SAMD5: variants seen among roughly 807,000 people sequenced by gnomAD.
SAMD5 encodes the protein sterile alpha motif domain-containing protein 5.
Under a neutral mutation model 11.3 loss-of-function variants are expected in SAMD5, and 13 were observed. That is an observed-to-expected ratio of 1.15 (90% CI 0.75 to 1.83). The LOEUF (loss-of-function observed/expected upper bound fraction) is 1.83, where lower values mean the gene tolerates loss of function less well. Among genes scored for constraint, SAMD5 ranks in the 40% most tolerant of loss-of-function variants. The pLI, the probability that SAMD5 is intolerant of heterozygous loss-of-function variation, is 0.00. For synonymous variants in SAMD5, 129 were observed against 111.3 expected, an observed-to-expected ratio of 1.16 and a Z score of -1.00; for missense variants, 255 against 239.1, an observed-to-expected ratio of 1.07 and a Z score of -0.44.
intron 1 of SAMD5, among the ~76,000 whole-genome samples, chr6:147,557,968 G>A (rs942334614): frequency 2.6e-5 from 4 of 152,190 alleles, no homozygotes; most frequent in Non-Finnish European, 5.9e-5. Flanking sequence ...AGGTGATTAT[G>A]TAAAAGTGTA....
chr6:147,787,559 G>T, the SAMD5 span, among the ~76,000 whole-genome samples: 4 of 152,154 alleles, frequency 2.6e-5, no homozygotes, highest in African/African-American at 9.6e-5. Context: ...ACTCAGTCCT[G>T]AATTGTCACT....
the SAMD5 span, among the ~76,000 whole-genome samples, chr6:147,813,170 C>G: frequency 6.6e-6 from 1 of 152,034 alleles, no homozygotes; most frequent in Non-Finnish European, 1.5e-5. Flanking sequence ...AGACACAGGT[C>G]GATAGGAAAG....
At chr6:147,909,639 T>TCTCTCTCTCTCTCTCTC in the SAMD5 span, among the ~76,000 whole-genome samples, 3 of 138,864 alleles carry the variant, frequency 2.2e-5, no homozygotes, top group African/African-American at 9.4e-5. Flanking sequence ...TTTCTCTTTC[T>TCTCTCTCTCTCTCTCTC]TGTCTTTTGT....
chr6:147,610,947 G>A (rs1789774430), intron 1 of SAMD5, among the ~76,000 whole-genome samples: 1 of 148,726 alleles, frequency 6.7e-6, no homozygotes, highest in Non-Finnish European at 1.5e-5. Context: ...TCAGCTTACT[G>A]CAACCTCCGC....
intron 1 of SAMD5, among the ~76,000 whole-genome samples, chr6:147,546,845 T>C (rs1268367333): frequency 6.6e-6 from 1 of 152,222 alleles, no homozygotes; most frequent in African/African-American, 2.4e-5. Flanking sequence ...CTGCCCTATG[T>C]GCTAAGAATT....
At chr6:147,732,755 T>C (rs1483024228) in intron 1 of SAMD5, among the ~76,000 whole-genome samples, 1 of 152,216 alleles carries the variant, frequency 6.6e-6, no homozygotes, top group Admixed American at 6.5e-5. Flanking sequence ...CCCCAGCATC[T>C]TTCTCTTCTC....
At chr6:147,509,811 C>T (rs1788060175) in intron 1 of SAMD5, among the ~76,000 whole-genome samples, 2 of 152,034 alleles carry the variant, frequency 1.3e-5, no homozygotes, top group South Asian at 4.1e-4. Context: ...TTTTTTGAGT[C>T]TTGAGAAACT....
intron 1 of SAMD5, among the ~76,000 whole-genome samples, chr6:147,695,992 T>G (rs976077476): frequency 1.3e-5 from 2 of 152,176 alleles, no homozygotes; most frequent in Admixed American, 1.3e-4. Context: ...AGGTGGTGTT[T>G]TCCTCATGCC....
rs537763622 is a variant in SAMD5, at chr6:147,596,400, T to G, written c.162+87013T>G. ...CATTGATTTAAAAGTAATTTTCAGTTGCATATTTATTAGACCTATTAGTCT... is the reference window on the plus strand; with the variant it reads ...CATTGATTTAAAAGTAATTTTCAGTGGCATATTTATTAGACCTATTAGTCT... On this transcript the variant is annotated intron_variant, in intron 1 of 1. Coordinates refer to the SAMD5 transcript ENST00000566741. Among the ~76,000 whole-genome samples, 221 of 152,326 alleles carry G rather than the reference T, an allele frequency of 1.5e-3. 1 individual carries two copies. The highest frequency in any genetic ancestry group is 5.0e-3 in the African/African-American group (208 of 41,558).
intron 1 of SAMD5, among the ~76,000 whole-genome samples, chr6:147,687,354 T>G (rs1791032802): frequency 6.7e-6 from 1 of 149,330 alleles, no homozygotes; most frequent in Non-Finnish European, 1.5e-5. Flanking sequence ...GTGATCTTGG[T>G]TCACTGCAAC....
chr6:147,613,764 G>A (rs1219851990), intron 1 of SAMD5, among the ~76,000 whole-genome samples: 1 of 151,946 alleles, frequency 6.6e-6, no homozygotes, highest in Non-Finnish European at 1.5e-5. Flanking sequence ...GATGGAGAAA[G>A]AAGAGGAAAA....
At chr6:147,804,720 A>T in the SAMD5 span, among the ~76,000 whole-genome samples, 2 of 152,326 alleles carry the variant, frequency 1.3e-5, no homozygotes, top group East Asian at 3.9e-4. Context: ...GCGTAACATT[A>T]TGAGGTTACT....
At chr6:147,704,899 C>T (rs1791304372) in intron 1 of SAMD5, among the ~76,000 whole-genome samples, 1 of 152,196 alleles carries the variant, frequency 6.6e-6, no homozygotes, top group African/African-American at 2.4e-5. Flanking sequence ...ATAGCACATC[C>T]GTTAAACTCG....
At chr6:147,715,617 C>T (rs73599454) in intron 1 of SAMD5, among the ~76,000 whole-genome samples, 23,098 of 152,250 alleles carry the variant, frequency 0.15, 2,494 homozygotes, top group African/African-American at 0.3. Context: ...TTCAGCCCTA[C>T]TTGTGTTACA....
the SAMD5 span, among the ~76,000 whole-genome samples, chr6:147,903,445 G>A: frequency 2.6e-5 from 4 of 152,152 alleles, no homozygotes; most frequent in Non-Finnish European, 5.9e-5. Flanking sequence ...ATGTGCACCT[G>A]TTCAGTGCAG....
At chr6:147,801,007 T>C in the SAMD5 span, among the ~76,000 whole-genome samples, 2 of 152,198 alleles carry the variant, frequency 1.3e-5, no homozygotes, top group African/African-American at 4.8e-5. Flanking sequence ...TTTATTGTAA[T>C]ACATGTATTT....
chr6:147,698,156 C>T (rs1231264994), intron 1 of SAMD5, among the ~76,000 whole-genome samples: 3 of 152,252 alleles, frequency 2.0e-5, no homozygotes, highest in East Asian at 1.9e-4. Flanking sequence ...GCTTGCTTGG[C>T]GGCTGCTCAC....
At chr6:147,699,216 C>T (rs1055271516) in intron 1 of SAMD5, among the ~76,000 whole-genome samples, 3 of 152,148 alleles carry the variant, frequency 2.0e-5, no homozygotes, top group Non-Finnish European at 4.4e-5. Context: ...CCTTCAGCAC[C>T]TAGACTGACG....
chr6:147,572,168 TG>T (rs1453280250), downstream of SAMD5, among the ~76,000 whole-genome samples: 1 of 152,040 alleles, frequency 6.6e-6, no homozygotes, highest in African/African-American at 2.4e-5. Context: ...AGAAACTGAA[TG>T]TTGAGGTTAT....
Sources: gnomAD v4.1 joint callset for allele counts (sites outside exome capture counted in the v4.1 genomes callset) on GRCh38, gnomAD v4.1.1 for gene constraint, MANE v1.5 for transcripts, NCBI Gene and HGNC (gene_info 2026-07-23, HGNC 2026-07-21) for gene names.